Variants in TEAD4 observed in about 807,000 individuals in gnomAD.
The protein encoded by TEAD4 is transcriptional enhancer factor TEF-3.
A neutral mutation model predicts 52.4 loss-of-function variants in TEAD4; 36 were observed. That is an observed-to-expected ratio of 0.69 (90% CI 0.53 to 0.91). The LOEUF (loss-of-function observed/expected upper bound fraction) is 0.91. TEAD4 is among the 40% of genes least tolerant of loss of function. TEAD4 has a pLI of 0.00. For synonymous variants in TEAD4, 220 were observed against 231.0 expected (o/e 0.95, Z 0.43); for missense variants, 508 against 583.9 (o/e 0.87, Z 1.34).
At chr12:3,018,430 G>A (rs968002032) in intron 6 of TEAD4, 115 bp from the exon 7 acceptor site, 29 of 1,254,840 alleles carry the variant, frequency 2.3e-5, no homozygotes, top group South Asian at 3.6e-5. Flanking sequence ...GCGAGGCCTC[G>A]GGCTCCAGCC....
At chr12:3,004,327 C>T (rs2098254124) in intron 3 of TEAD4, among the ~76,000 whole-genome samples, 1 of 152,244 alleles carries the variant, frequency 6.6e-6, no homozygotes, top group African/African-American at 2.4e-5. Flanking sequence ...CCTTGGAAAA[C>T]ATACCTTCTC....
chr12:3,030,863 AG>A (rs530487139), intron 10 of TEAD4, among the ~76,000 whole-genome samples: 12 of 152,250 alleles, frequency 7.9e-5, no homozygotes, highest in Non-Finnish European at 1.6e-4. Context: ...AATATTTGTT[AG>A]CCCTTCTCCT....
chr12:2,997,805 C>T (rs1330135498), intron 3 of TEAD4, among the ~76,000 whole-genome samples: 1 of 121,258 alleles, frequency 8.2e-6, no homozygotes, highest in African/African-American at 3.0e-5. Context: ...CTTGCTTTTT[C>T]GGGGGGGGGG....
intron 10 of TEAD4, 86 bp downstream of exon 10, chr12:3,022,103 G>T (rs1442885355): frequency 2.0e-6 from 3 of 1,531,098 alleles, no homozygotes; most frequent in Non-Finnish European, 2.7e-6. Flanking sequence ...GTGTGCCCTT[G>T]TCACAGTAGA....
intron 3 of TEAD4, among the ~76,000 whole-genome samples, chr12:3,009,382 A>T (rs1026937234): frequency 1.3e-5 from 2 of 152,268 alleles, no homozygotes; most frequent in African/African-American, 2.4e-5. Context: ...GTGAGCCGAG[A>T]TCGTGCCATT....
chr12:3,028,777 C>T (rs1053510229), intron 10 of TEAD4, among the ~76,000 whole-genome samples: 6 of 151,914 alleles, frequency 3.9e-5, no homozygotes, highest in East Asian at 1.9e-4. Context: ...ATTACAGGCA[C>T]GCACCACCAT....
rs200185504 is a variant in TEAD4, at chr12:2,994,854, G to T, written c.88G>T (p.Ala30Ser). Residue 30 changes from alanine (A) to serine (S), a missense_variant, in exon 3 of 13, where the codon GCA becomes TCA. By Grantham distance (99) the Ala-to-Ser change is moderately conservative. Coordinates refer to ENST00000359864, the MANE Select transcript of TEAD4 (RefSeq NM_003213.4). The surrounding 1 kb of genome is among the most constrained non-coding windows in gnomAD (Gnocchi z 4.7). ...GAGCACCGCCTCTGGGGGCAGTCAGGCACTGGACAAGCCCATCGACAATGA... is the reference window on the plus strand; with the variant it reads ...GAGCACCGCCTCTGGGGGCAGTCAGTCACTGGACAAGCCCATCGACAATGA... The T allele has an allele frequency of 1.9e-6, 3 of 1,614,102 alleles. No individual in the cohort carries two copies. Among genetic ancestry groups the T allele is most frequent in the African/African-American group, 2.7e-5 (2 of 75,064 alleles).
chr12:3,009,278 A>T (rs1286441675), intron 3 of TEAD4, among the ~76,000 whole-genome samples: 1 of 152,092 alleles, frequency 6.6e-6, no homozygotes, highest in Non-Finnish European at 1.5e-5. Flanking sequence ...AAATACAAAA[A>T]AATTAGCTGG....
chr12:3,038,739 C>T (rs771717214), intron 11 of TEAD4, among the ~76,000 whole-genome samples: 7 of 152,166 alleles, frequency 4.6e-5, no homozygotes, highest in East Asian at 3.9e-4. Flanking sequence ...CCCTGCTTTC[C>T]GGTGCGTGTC....
chr12:2,968,820 T>C (rs1318901702), intron 2 of TEAD4, among the ~76,000 whole-genome samples: 2 of 152,058 alleles, frequency 1.3e-5, no homozygotes, highest in Non-Finnish European at 2.9e-5. Context: ...TGCCAATTTT[T>C]AAAACTTTTT....
At chr12:3,024,264 G>A (rs560535286) in intron 10 of TEAD4, among the ~76,000 whole-genome samples, 2 of 152,122 alleles carry the variant, frequency 1.3e-5, no homozygotes, top group East Asian at 3.9e-4. Context: ...TTTTAGTAGA[G>A]ACGGGGTTTC....
intron 3 of TEAD4, among the ~76,000 whole-genome samples, chr12:3,009,704 A>G (rs2098258704): frequency 6.6e-6 from 1 of 152,214 alleles, no homozygotes; most frequent in Admixed American, 6.5e-5. Context: ...GAGAGGAGAC[A>G]TCTTGTGGAC....
intron 10 of TEAD4, 38 bp downstream of exon 10, chr12:3,022,055 G>T (rs749270275): frequency 6.2e-7 from 1 of 1,607,744 alleles, no homozygotes; most frequent in Non-Finnish European, 8.5e-7. Flanking sequence ...TGCCACCAGC[G>T]TGTCCGTGGT....
Position 2,985,652 on chromosome 12 carries a change from C to T in TEAD4, c.-29-9086C>T, listed in dbSNP as rs187599494. 1.6e-3 allele frequency among the ~76,000 whole-genome samples: 241 copies of T among 151,240 alleles called. 1 individual carries two copies. Among genetic ancestry groups the T allele is most frequent in the Middle Eastern group, 0.01 (3 of 292 alleles). ...TCCCTAGTAGCTGGGATTATAGGTGCGCACCATCATGCCTGGCTAATTTTT... is the reference window on the plus strand; with the variant it reads ...TCCCTAGTAGCTGGGATTATAGGTGTGCACCATCATGCCTGGCTAATTTTT... On this transcript the variant is annotated intron_variant, in intron 2 of 12. Transcript: ENST00000359864.
At chr12:3,023,927 G>T (rs953307076) in intron 10 of TEAD4, among the ~76,000 whole-genome samples, 1 of 151,838 alleles carries the variant, frequency 6.6e-6, no homozygotes, top group East Asian at 1.9e-4. Context: ...TAAGTAATAT[G>T]CTTATATTGC....
chr12:2,981,830 C>G (rs1389598950), intron 2 of TEAD4, among the ~76,000 whole-genome samples: 1 of 151,996 alleles, frequency 6.6e-6, no homozygotes, highest in Admixed American at 6.6e-5. Flanking sequence ...GTCTGCTGCT[C>G]CTCTTTCACC....
chr12:2,995,404 G>A (rs1297725251), intron 3 of TEAD4, among the ~76,000 whole-genome samples: 1 of 152,146 alleles, frequency 6.6e-6, no homozygotes, highest in Non-Finnish European at 1.5e-5. Flanking sequence ...CGAGCCTTCT[G>A]TGTGCCTGGT....
intron 10 of TEAD4, among the ~76,000 whole-genome samples, chr12:3,035,327 C>T: frequency 6.6e-6 from 1 of 152,210 alleles, no homozygotes; most frequent in East Asian, 1.9e-4. Context: ...CTGGCCTCAC[C>T]TCTTGGTGTT....
intron 10 of TEAD4, among the ~76,000 whole-genome samples, chr12:3,034,287 C>T (rs1171273679): frequency 1.3e-5 from 2 of 152,058 alleles, no homozygotes; most frequent in African/African-American, 4.8e-5. Flanking sequence ...GTGAGCAGGA[C>T]AGGGTAGGTT....
Sources: allele counts gnomAD v4.1 joint callset (sites outside exome capture counted in the v4.1 genomes callset), GRCh38; gene constraint gnomAD v4.1.1; non-coding constraint Gnocchi (gnomAD v3.1); transcripts MANE v1.5; gene names NCBI Gene and HGNC (gene_info 2026-07-23, HGNC 2026-07-21).